ADAMTSL1: variants seen among roughly 807,000 people sequenced by gnomAD.
ADAMTSL1 encodes ADAMTS like 1, also known as ADAMTS-like protein 1.
In ADAMTSL1, 126 loss-of-function variants were observed where a neutral mutation model predicts 201.8. The observed-to-expected ratio is 0.62, with a 90% CI of 0.54 to 0.72. The LOEUF (loss-of-function observed/expected upper bound fraction) is 0.72, where lower values mean the gene tolerates loss of function less well. ADAMTSL1 is among the 30% of genes least tolerant of loss of function. The pLI is 0.00. For missense variants in ADAMTSL1, 2,679 were observed against 2,277.8 expected, an observed-to-expected ratio of 1.18 and a Z score of -3.59; for synonymous variants, 1,121 against 903.4, an observed-to-expected ratio of 1.24 and a Z score of -4.32.
intron 1 of ADAMTSL1, among the ~76,000 whole-genome samples, chr9:18,494,467 A>G (rs1209290429): frequency 1.3e-5 from 2 of 152,168 alleles, no homozygotes; most frequent in Non-Finnish European, 2.9e-5. Flanking sequence ...ACACAAGTCA[A>G]ATGAAATAAA....
chr9:18,024,047 C>G (rs535279305), intron 1 of ADAMTSL1, among the ~76,000 whole-genome samples: 1 of 152,084 alleles, frequency 6.6e-6, no homozygotes, highest in Admixed American at 6.6e-5. Context: ...TTCTTCTTCT[C>G]TGTCATCAGT....
intron 1 of ADAMTSL1, among the ~76,000 whole-genome samples, chr9:18,070,234 G>T (rs1477181191): frequency 3.3e-5 from 5 of 152,182 alleles, no homozygotes; most frequent in African/African-American, 7.2e-5. Context: ...TGAAGCTGAG[G>T]GAGGAAAACA....
At chr9:18,458,116 C>G (rs1372629727) in intron 2 of ADAMTSL1, among the ~76,000 whole-genome samples, 1 of 152,136 alleles carries the variant, frequency 6.6e-6, no homozygotes, top group Non-Finnish European at 1.5e-5. Context: ...GCATGGGATG[C>G]CCATAGGATG....
intron 2 of ADAMTSL1, among the ~76,000 whole-genome samples, chr9:18,512,867 G>C (rs568826268): frequency 6.6e-6 from 1 of 152,150 alleles, no homozygotes; most frequent in African/African-American, 2.4e-5. Flanking sequence ...TTTAATAATT[G>C]GCTTTTAAAC....
chr9:18,698,335 C>G (rs1831690367), intron 13 of ADAMTSL1, among the ~76,000 whole-genome samples: 2 of 152,068 alleles, frequency 1.3e-5, no homozygotes, highest in Non-Finnish European at 2.9e-5. Context: ...GGCTGGAGTG[C>G]AGTGGCATGA....
chr9:18,278,973 C>T (rs1403401008), intron 2 of ADAMTSL1, among the ~76,000 whole-genome samples: 1 of 151,946 alleles, frequency 6.6e-6, no homozygotes, highest in Non-Finnish European at 1.5e-5. Flanking sequence ...TAAAACTTTG[C>T]AGTTGAGGCA....
chr9:18,365,221 C>A (rs1039391533), intron 2 of ADAMTSL1, among the ~76,000 whole-genome samples: 1 of 152,114 alleles, frequency 6.6e-6, no homozygotes, highest in Non-Finnish European at 1.5e-5. Flanking sequence ...GGAATACTTA[C>A]CATTGAAGCC....
At chr9:18,004,092 C>T (rs895863937) in intron 1 of ADAMTSL1, among the ~76,000 whole-genome samples, 7 of 151,794 alleles carry the variant, frequency 4.6e-5, no homozygotes, top group African/African-American at 1.7e-4. Context: ...TCCATATGGA[C>T]CACTTAATTT....
chr9:18,907,224 G>C (rs1310326698), intron 28 of ADAMTSL1: 26 of 374,874 alleles, frequency 6.9e-5, no homozygotes, highest in Non-Finnish European at 1.2e-4. Context: ...GGTGCCCACA[G>C]GGTCTGACTC....
intron 2 of ADAMTSL1, among the ~76,000 whole-genome samples, chr9:18,188,602 A>G (rs927470642): frequency 6.6e-6 from 1 of 152,154 alleles, no homozygotes; most frequent in Non-Finnish European, 1.5e-5. Context: ...TAGTGCAATA[A>G]TTAGAGCTGC....
chr9:18,695,801 A>G (rs773072261), intron 13 of ADAMTSL1, among the ~76,000 whole-genome samples: 1 of 152,254 alleles, frequency 6.6e-6, no homozygotes, highest in Middle Eastern at 3.4e-3. Flanking sequence ...GCAATGCCCC[A>G]CTTCTTGATA....
chr9:18,049,546 T>C (rs1228897576), intron 1 of ADAMTSL1, among the ~76,000 whole-genome samples: 1 of 152,162 alleles, frequency 6.6e-6, no homozygotes, highest in African/African-American at 2.4e-5. Context: ...AGCCACTTTA[T>C]GGGACCAGCA....
chr9:18,121,007 A>AT (rs72138082), intron 1 of ADAMTSL1, among the ~76,000 whole-genome samples: 1 of 151,902 alleles, frequency 6.6e-6, no homozygotes, highest in Non-Finnish European at 1.5e-5. Flanking sequence ...GCTTTTATTT[A>AT]TTTTTTTTCC....
intron 1 of ADAMTSL1, among the ~76,000 whole-genome samples, chr9:18,491,049 GAA>G (rs1822246964): frequency 1.3e-5 from 2 of 152,170 alleles, no homozygotes; most frequent in African/African-American, 4.8e-5. Flanking sequence ...TTAATAAAAA[GAA>G]GAGAAAGTGC....
At chr9:18,038,601 C>T (rs760900338) in intron 1 of ADAMTSL1, among the ~76,000 whole-genome samples, 6 of 152,054 alleles carry the variant, frequency 3.9e-5, no homozygotes, top group Admixed American at 3.3e-4. Flanking sequence ...TACAGAAAAG[C>T]GGGAAAACAG....
Position 18,599,072 on chromosome 9 carries a change from C to A in ADAMTSL1, c.475-23171C>A, listed in dbSNP as rs184376781. 2.0e-5 allele frequency among the ~76,000 whole-genome samples: 3 copies of A among 152,212 alleles called. No homozygotes were observed. In the East Asian group the frequency reaches 5.8e-4, roughly 29 times the overall value. On this transcript the variant is annotated intron_variant, in intron 4 of 28. Coordinates refer to ENST00000380548, the MANE Select transcript of ADAMTSL1 (RefSeq NM_001040272.6). ...GACTGTCAACTTCTGAGGCAGAAATCTCAGTATTAGGGTTGATTGACAGAA... is the reference window on the plus strand; with the variant it reads ...GACTGTCAACTTCTGAGGCAGAAATATCAGTATTAGGGTTGATTGACAGAA...
At chr9:18,002,770 T>C (rs1022941255) in intron 1 of ADAMTSL1, among the ~76,000 whole-genome samples, 1 of 152,068 alleles carries the variant, frequency 6.6e-6, no homozygotes, top group South Asian at 2.1e-4. Flanking sequence ...AAAGAGCACT[T>C]AGCAGTATAT....
At chr9:18,109,846 T>C (rs1824926080) in intron 1 of ADAMTSL1, among the ~76,000 whole-genome samples, 2 of 152,178 alleles carry the variant, frequency 1.3e-5, no homozygotes, top group South Asian at 4.1e-4. Context: ...GTCACACCCC[T>C]ACTGCCACTT....
chr9:18,871,897 C>G (rs542701209), intron 23 of ADAMTSL1, among the ~76,000 whole-genome samples: 3 of 152,132 alleles, frequency 2.0e-5, no homozygotes, highest in African/African-American at 4.8e-5. Context: ...TACCACTTCC[C>G]GTCTTCAGGC....
Sources: gnomAD v4.1 joint callset for allele counts (sites outside exome capture counted in the v4.1 genomes callset) on GRCh38, gnomAD v4.1.1 for gene constraint, MANE v1.5 for transcripts, NCBI Gene and HGNC (gene_info 2026-07-23, HGNC 2026-07-21) for gene names.